MAMDC2: variants seen among roughly 807,000 people sequenced by gnomAD.
MAMDC2 encodes the protein MAM domain containing 2.
In MAMDC2, 57 loss-of-function variants were observed where a neutral mutation model predicts 89.8. The ratio of observed to expected loss-of-function variants is 0.63; its 90% confidence interval spans 0.51 to 0.79. The LOEUF (loss-of-function observed/expected upper bound fraction) is 0.79. Among genes scored for constraint, MAMDC2 ranks in the 30% least tolerant of loss-of-function variants. The pLI is 0.00. For synonymous variants in MAMDC2, 313 were observed against 293.4 expected (o/e 1.07, Z -0.68); for missense variants, 800 against 820.6 (o/e 0.97, Z 0.31).
intron 6 of MAMDC2, among the ~76,000 whole-genome samples, chr9:70,128,117 A>G (rs2030644380): frequency 6.6e-6 from 1 of 152,228 alleles, no homozygotes; most frequent in South Asian, 2.1e-4. Flanking sequence ...AGGAAAAGAA[A>G]GTTGTCCTGA....
intron 9 of MAMDC2, chr9:70,153,139 T>G (rs1316806200): frequency 6.6e-6 from 1 of 152,214 alleles, no homozygotes; most frequent in Admixed American, 6.5e-5. Context: ...TTATAAACAG[T>G]TTACAATAAT....
intron 2 of MAMDC2, among the ~76,000 whole-genome samples, chr9:70,053,254 A>G (rs1826952722): frequency 1.3e-5 from 2 of 152,248 alleles, no homozygotes; most frequent in South Asian, 4.1e-4. Flanking sequence ...CTACTTTGTG[A>G]GAAATTTGCA....
intron 9 of MAMDC2, among the ~76,000 whole-genome samples, chr9:70,163,094 T>C (rs971935544): frequency 6.6e-6 from 1 of 152,096 alleles, no homozygotes; most frequent in African/African-American, 2.4e-5. Flanking sequence ...ATTACAGTTT[T>C]CTAAAGCAGG....
intron 9 of MAMDC2, among the ~76,000 whole-genome samples, chr9:70,156,138 T>C (rs964332430): frequency 6.6e-6 from 1 of 152,218 alleles, no homozygotes; most frequent in African/African-American, 2.4e-5. Context: ...ATGGTTCTTG[T>C]TGGTAATTTT....
At chr9:70,225,302 G>A (rs541773418) in intron 12 of MAMDC2, among the ~76,000 whole-genome samples, 41 of 151,980 alleles carry the variant, frequency 2.7e-4, no homozygotes, top group African/African-American at 9.2e-4. Context: ...GGGTATCATC[G>A]GTCATATTAA....
chr9:70,047,754 TG>T (rs929526570), intron 2 of MAMDC2, among the ~76,000 whole-genome samples: 1 of 152,182 alleles, frequency 6.6e-6, no homozygotes, highest in Non-Finnish European at 1.5e-5. Flanking sequence ...GAAGGTAAGT[TG>T]GGACACAAAT....
chr9:70,169,043 A>G (rs1277325764), intron 10 of MAMDC2, among the ~76,000 whole-genome samples: 3 of 152,194 alleles, frequency 2.0e-5, no homozygotes, highest in African/African-American at 7.2e-5. Context: ...ATCTACCTGA[A>G]TATTGGGGAT....
At chr9:70,167,219 T>A (rs1178939121) in intron 9 of MAMDC2, among the ~76,000 whole-genome samples, 1 of 152,222 alleles carries the variant, frequency 6.6e-6, no homozygotes, top group Non-Finnish European at 1.5e-5. Flanking sequence ...ATCCTTTTTA[T>A]AATTGAAAGC....
chr9:70,134,783 C>T (rs1366880745), intron 7 of MAMDC2, among the ~76,000 whole-genome samples: 1 of 152,156 alleles, frequency 6.6e-6, no homozygotes, highest in East Asian at 1.9e-4. Flanking sequence ...TGACTCTGGC[C>T]CTTGTTTCCC....
At chr9:70,209,012 G>A (rs1483188029) in intron 11 of MAMDC2, among the ~76,000 whole-genome samples, 2 of 152,166 alleles carry the variant, frequency 1.3e-5, no homozygotes, top group Non-Finnish European at 2.9e-5. Context: ...GCTTTTTGAT[G>A]TGCTGCTGGA....
At chr9:70,087,036 C>T (rs2997680) in intron 2 of MAMDC2, 128,332 of 152,008 alleles carry the variant, frequency 0.84, 54,625 homozygotes, top group Middle Eastern at 0.91. Flanking sequence ...AACTGAGGCT[C>T]GGAGTGGTTA....
At chr9:70,211,756 G>GT (rs1473904798) in intron 11 of MAMDC2, among the ~76,000 whole-genome samples, 1 of 152,160 alleles carries the variant, frequency 6.6e-6, no homozygotes, top group African/African-American at 2.4e-5. Context: ...TATCTTTGTG[G>GT]TTTTATCTAC....
chr9:70,074,719 G>A (rs1022318214), intron 2 of MAMDC2, among the ~76,000 whole-genome samples: 2 of 152,230 alleles, frequency 1.3e-5, no homozygotes, highest in Non-Finnish European at 1.5e-5. Flanking sequence ...CTGTGCGCTT[G>A]AGGGAGCAAC....
At chr9:70,051,948 G>T (rs1826914652) in intron 2 of MAMDC2, among the ~76,000 whole-genome samples, 1 of 151,764 alleles carries the variant, frequency 6.6e-6, no homozygotes, top group Admixed American at 6.6e-5. Context: ...GATAGATATA[G>T]TTTCACCTAC....
intron 11 of MAMDC2, among the ~76,000 whole-genome samples, chr9:70,184,035 T>C (rs1276572225): frequency 6.6e-6 from 1 of 152,220 alleles, no homozygotes; most frequent in Middle Eastern, 3.2e-3. Context: ...TTCCTTTCCA[T>C]ATTTAGTGCT....
At chr9:70,128,489 A>G (rs2030663133) in intron 6 of MAMDC2, among the ~76,000 whole-genome samples, 1 of 152,144 alleles carries the variant, frequency 6.6e-6, no homozygotes, top group Non-Finnish European at 1.5e-5. Context: ...TTATGGGACC[A>G]TTACTGTTAA....
At chr9:70,204,040 C>A (rs932158823) in intron 11 of MAMDC2, among the ~76,000 whole-genome samples, 1 of 151,214 alleles carries the variant, frequency 6.6e-6, no homozygotes, top group Non-Finnish European at 1.5e-5. Context: ...TCGTCTGAAG[C>A]CTTCTTCTCT....
chr9:70,193,394 C>T lies in MAMDC2; in HGVS notation c.1651+22763C>T, dbSNP rs144185453. 5.1e-4 allele frequency among the ~76,000 whole-genome samples: 77 copies of T among 152,126 alleles called. 1 individual carries two copies. The highest frequency in any genetic ancestry group is 1.5e-3 in the African/African-American group (62 of 41,510). On this transcript the variant is annotated intron_variant, in intron 11 of 13. Transcript: ENST00000377182. ...CTTCTAGATCAGCTAAGGCAGCATACGCATTTAAAATATTAAAACACTGAA... is the reference window on the plus strand; with the variant it reads ...CTTCTAGATCAGCTAAGGCAGCATATGCATTTAAAATATTAAAACACTGAA...
At chr9:70,207,299 C>G (rs2033247302) in intron 11 of MAMDC2, among the ~76,000 whole-genome samples, 2 of 151,696 alleles carry the variant, frequency 1.3e-5, no homozygotes, top group South Asian at 4.1e-4. Flanking sequence ...CTTTTGTTTC[C>G]TGACTTTTTA....
Sources: allele counts gnomAD v4.1 joint callset (sites outside exome capture counted in the v4.1 genomes callset), GRCh38; gene constraint gnomAD v4.1.1; transcripts MANE v1.5; gene names NCBI Gene and HGNC (gene_info 2026-07-23, HGNC 2026-07-21).